CD96: variants seen among roughly 807,000 people sequenced by gnomAD.
CD96 encodes the protein T-cell surface protein tactile.
In CD96, 70 loss-of-function variants were observed where a neutral mutation model predicts 71.3. The observed-to-expected ratio is 0.98, with a 90% CI of 0.81 to 1.20. CD96 has a LOEUF of 1.20. Among genes scored for constraint, CD96 ranks in the 50% most tolerant of loss-of-function variants. The pLI is 0.00. For synonymous variants in CD96, 248 were observed against 233.0 expected (o/e 1.06, Z -0.59); for missense variants, 742 against 677.5 (o/e 1.10, Z -1.06).
intron 10 of CD96, among the ~76,000 whole-genome samples, chr3:111,629,342 G>T (rs2107729218): frequency 6.6e-6 from 1 of 151,926 alleles, no homozygotes; most frequent in Non-Finnish European, 1.5e-5. Context: ...ATGGAAAACA[G>T]GAAAAAGCAG....
chr3:111,607,012 C>G, intron 8 of CD96: 2 of 592,910 alleles, frequency 3.4e-6, no homozygotes, highest in South Asian at 3.9e-5. Context: ...TGTTCACAGA[C>G]TTGTACAACC....
chr3:111,545,457 A>C (rs939134924), intron 2 of CD96, 55 bp downstream of exon 2: 2 of 1,183,754 alleles, frequency 1.7e-6, no homozygotes, highest in Admixed American at 3.4e-5. Context: ...TCATTCAACA[A>C]ATGTACATTT....
At chr3:111,569,883 G>A (rs960191867) in intron 3 of CD96, among the ~76,000 whole-genome samples, 6 of 152,304 alleles carry the variant, frequency 3.9e-5, no homozygotes, top group Admixed American at 1.3e-4. Flanking sequence ...TCCTCCGAAG[G>A]GGGACGTTTA....
intron 5 of CD96, chr3:111,594,495 C>A (rs543484766): frequency 1.6e-4 from 52 of 329,814 alleles, no homozygotes; most frequent in Non-Finnish European, 2.2e-4. Context: ...CATATCAGTT[C>A]CTGTAGCAAA....
downstream of CD96, among the ~76,000 whole-genome samples, chr3:111,655,507 G>A (rs1940207356): frequency 6.6e-6 from 1 of 152,110 alleles, no homozygotes; most frequent in Admixed American, 6.6e-5. Flanking sequence ...CAACATATGA[G>A]AAATACTTTT....
intron 2 of CD96, among the ~76,000 whole-genome samples, chr3:111,550,012 G>A (rs1359205976): frequency 1.3e-5 from 2 of 152,160 alleles, no homozygotes; most frequent in Non-Finnish European, 2.9e-5. Context: ...GAAAAGCCAT[G>A]TGGCACTTCA....
intron 2 of CD96, among the ~76,000 whole-genome samples, chr3:111,551,281 A>C (rs1354182249): frequency 1.3e-5 from 2 of 152,168 alleles, no homozygotes; most frequent in Non-Finnish European, 2.9e-5. Flanking sequence ...GGAGACAATT[A>C]ATGAAGATGA....
intron 1 of CD96, among the ~76,000 whole-genome samples, chr3:111,542,545 C>T (rs1376117689): frequency 1.3e-5 from 2 of 152,218 alleles, no homozygotes; most frequent in African/African-American, 4.8e-5. Context: ...TGCCACTGCT[C>T]TGAGGCATTT....
intron 2 of CD96, among the ~76,000 whole-genome samples, chr3:111,564,079 G>T (rs184354217): frequency 1.5e-3 from 226 of 152,164 alleles, no homozygotes; most frequent in Non-Finnish European, 2.6e-3. Context: ...GTTTGACTTT[G>T]CTCGATACTT....
chr3:111,629,377 A>G lies in CD96; in HGVS notation c.1321+4973A>G, dbSNP rs144291458. Among the ~76,000 whole-genome samples, 59 of 152,320 alleles carry G rather than the reference A, an allele frequency of 3.9e-4. No homozygotes were observed. The East Asian group carries it at 0.011, about 28-fold the overall frequency. The stretch of plus-strand genomic sequence containing the variant: ...GAGGTTGCAGTCTTAGTCTCTGACA[A>G]AGCATACTTTAAACCAACAAAGATA... On this transcript the variant is annotated intron_variant, in intron 10 of 13. Coordinates refer to ENST00000352690, the MANE Select transcript of CD96 (RefSeq NM_005816.5).
chr3:111,647,490 T>C, intron 12 of CD96, 53 bp from the exon 13 acceptor site: 2 of 1,577,976 alleles, frequency 1.3e-6, no homozygotes, highest in Admixed American at 3.3e-5. Context: ...AATCCTGTTT[T>C]CCAAATGCCA....
At chr3:111,578,237 T>C (rs1054864755) in intron 3 of CD96, among the ~76,000 whole-genome samples, 4 of 152,042 alleles carry the variant, frequency 2.6e-5, no homozygotes, top group Non-Finnish European at 4.4e-5. Flanking sequence ...AGGGAGTTTG[T>C]CCAAAAAAAT....
intron 8 of CD96, among the ~76,000 whole-genome samples, chr3:111,616,247 TG>T (rs1454423397): frequency 1.3e-5 from 2 of 152,202 alleles, no homozygotes; most frequent in Non-Finnish European, 2.9e-5. Context: ...TGATAACACA[TG>T]GTTACCAATA....
At chr3:111,568,639 A>T (rs1206936343) in intron 3 of CD96, among the ~76,000 whole-genome samples, 2 of 152,152 alleles carry the variant, frequency 1.3e-5, no homozygotes, top group African/African-American at 4.8e-5. Flanking sequence ...TTGTTATTTT[A>T]TCCTTAGTCT....
intron 2 of CD96, among the ~76,000 whole-genome samples, chr3:111,556,281 G>C (rs1452638074): frequency 9.6e-6 from 1 of 104,600 alleles, no homozygotes; most frequent in African/African-American, 3.6e-5. Flanking sequence ...GTATACATGT[G>C]CCGTGCTGGT....
intron 5 of CD96, among the ~76,000 whole-genome samples, chr3:111,591,685 C>A (rs562778018): frequency 1.3e-5 from 2 of 152,152 alleles, no homozygotes; most frequent in Non-Finnish European, 2.9e-5. Context: ...TGAGCTTGCA[C>A]CACAGGTAGA....
chr3:111,611,183 T>C (rs1937910470), intron 8 of CD96, among the ~76,000 whole-genome samples: 1 of 152,158 alleles, frequency 6.6e-6, no homozygotes, highest in Non-Finnish European at 1.5e-5. Context: ...TCTGGGTCTT[T>C]CTATTCCTGG....
chr3:111,659,076 T>G (rs1459861516), intron 14 of CD96, among the ~76,000 whole-genome samples: 1 of 152,246 alleles, frequency 6.6e-6, no homozygotes, highest in Admixed American at 6.5e-5. Flanking sequence ...GATATTAGTC[T>G]ATTCAAGATT....
chr3:111,635,287 A>G (rs1323874927), intron 10 of CD96, among the ~76,000 whole-genome samples: 1 of 152,166 alleles, frequency 6.6e-6, no homozygotes, highest in Non-Finnish European at 1.5e-5. Context: ...CACCTCTCTC[A>G]CCATACTTCC....
Sources: allele counts gnomAD v4.1 joint callset (sites outside exome capture counted in the v4.1 genomes callset), GRCh38; gene constraint gnomAD v4.1.1; transcripts MANE v1.5; gene names NCBI Gene and HGNC (gene_info 2026-07-23, HGNC 2026-07-21).